The following FRMPD2 variants were observed in gnomAD, a reference collection of about 807,000 sequenced individuals.
FRMPD2 encodes FERM and PDZ domain containing 2, also known as FERM and PDZ domain-containing protein 2.
In FRMPD2, 96 loss-of-function variants were observed where a neutral mutation model predicts 140.1. The observed-to-expected ratio is 0.69, with a 90% CI of 0.58 to 0.81. FRMPD2 has a LOEUF of 0.81. FRMPD2 is among the 40% of genes least tolerant of loss of function. The pLI, the probability that FRMPD2 is intolerant of heterozygous loss-of-function variation, is 0.00. For missense variants in FRMPD2, 1,240 were observed against 1,447.4 expected, an observed-to-expected ratio of 0.86 and a Z score of 2.32; for synonymous variants, 449 against 547.6, an observed-to-expected ratio of 0.82 and a Z score of 2.52.
chr10:48,216,895 G>A (rs904176698), intron 12 of FRMPD2, among the ~76,000 whole-genome samples: 1 of 152,136 alleles, frequency 6.6e-6, no homozygotes, highest in African/African-American at 2.4e-5. Flanking sequence ...ACCACCCGAA[G>A]CTGGCCTAGG....
intron 4 of FRMPD2, among the ~76,000 whole-genome samples, chr10:48,244,459 A>G (rs1028763261): frequency 1.3e-5 from 2 of 152,210 alleles, no homozygotes; most frequent in African/African-American, 4.8e-5. Flanking sequence ...GCCTTTTTAA[A>G]ATATATGTAA....
At chr10:48,258,641 C>T (rs925416245) in intron 1 of FRMPD2, among the ~76,000 whole-genome samples, 7 of 152,100 alleles carry the variant, frequency 4.6e-5, no homozygotes, top group Non-Finnish European at 8.8e-5. Context: ...TGAGAGGATG[C>T]ACACTAGTAC....
intron 1 of FRMPD2, among the ~76,000 whole-genome samples, chr10:48,271,591 T>C (rs1488472230): frequency 6.6e-6 from 1 of 151,842 alleles, no homozygotes; most frequent in South Asian, 2.1e-4. Flanking sequence ...TGGGCTATGA[T>C]AGCTCAAGCA....
intron 13 of FRMPD2, among the ~76,000 whole-genome samples, chr10:48,207,665 A>C (rs1157441014): frequency 1.3e-5 from 2 of 152,164 alleles, no homozygotes; most frequent in Non-Finnish European, 2.9e-5. Context: ...TCCCACCTTC[A>C]TCTTCACCAG....
rs1839079984 is a variant in FRMPD2 at position 48,201,287 on chromosome 10, G to C, written c.1895C>G (p.Ser632Ter). 6.2e-7 allele frequency: 1 copy of C among 1,613,902 alleles called. No homozygotes were observed. The highest frequency in any genetic ancestry group is 1.7e-5 in the Admixed American group (1 of 60,018). The stretch of plus-strand genomic sequence containing the variant: ...CTGTGCATTAAACCCATGCTGGGCT[G>C]AGCAGAGGTCCAGTAAGTATTTACT... ...KTSKYLLDLCSAQHGFNAQMG... is the reference protein window; with the variant it reads ...KTSKYLLDLC The change falls in exon 15 of 29, where the codon TCA (serine) becomes TGA (stop). Residue 632 changes from serine to a stop codon, truncating the protein, a stop_gained. Coordinates refer to ENST00000374201, the MANE Select transcript of FRMPD2 (RefSeq NM_001018071.4). LOFTEE classifies it high-confidence loss of function.
At chr10:48,204,228 A>C (rs1020465531) in intron 14 of FRMPD2, among the ~76,000 whole-genome samples, 4 of 152,214 alleles carry the variant, frequency 2.6e-5, no homozygotes, top group Non-Finnish European at 4.4e-5. Context: ...ATACTCATCT[A>C]ATTGAAATGC....
chr10:48,235,637 C>T lies in FRMPD2; in HGVS notation c.993+845G>A, dbSNP rs539363838. On this transcript the variant is annotated intron_variant, in intron 9 of 28. Coordinates refer to ENST00000374201, the MANE Select transcript of FRMPD2 (RefSeq NM_001018071.4). The stretch of plus-strand genomic sequence containing the variant: ...ACTCAAGCCCTGCCTCCAAGAGGCC[C>T]TGAGCAGAGGCCCAGAAAGCCAAGT... Among the ~76,000 whole-genome samples the T allele has an allele frequency of 2.3e-3, 349 of 152,340 alleles. 2 individuals are homozygous for T. The highest frequency in any genetic ancestry group is 8.2e-3 in the African/African-American group (342 of 41,576).
intron 9 of FRMPD2, among the ~76,000 whole-genome samples, chr10:48,234,890 C>G (rs778359746): frequency 4.6e-5 from 7 of 152,118 alleles, no homozygotes; most frequent in Non-Finnish European, 1.0e-4. Flanking sequence ...CCCTGCAGAG[C>G]GGGGGAAGCT....
intron 8 of FRMPD2, 55 bp from the exon 9 acceptor site, chr10:48,236,608 T>G: frequency 6.5e-7 from 1 of 1,538,050 alleles, no homozygotes; most frequent in African/African-American, 1.4e-5. Flanking sequence ...AGGCTTTGGG[T>G]CTGGGCTTCC....
chr10:48,212,071 G>A lies in FRMPD2; in HGVS notation c.1494C>T (p.Tyr498=), dbSNP rs373664466. The stretch of plus-strand genomic sequence containing the variant: ...TCCTCTCGATCAGACTCGCTGGGAT[G>A]TAATCTTCAACGTGAAAGTATGGCT... ...ESKPYFHVED[Y]IPASLIERMT... Residue 498 remains tyrosine (Y), a synonymous_variant, in exon 13 of 29, where the codon TAC becomes TAT. Coordinates refer to ENST00000374201, the MANE Select transcript of FRMPD2 (RefSeq NM_001018071.4). 340 of 1,613,970 alleles carry A rather than the reference G, an allele frequency of 2.1e-4. 1 individual carries two copies. Among genetic ancestry groups the A allele is most frequent in the Non-Finnish European group, 2.6e-4 (302 of 1,179,978 alleles).
chr10:48,164,000 C>A (rs1428387481), intron 27 of FRMPD2, among the ~76,000 whole-genome samples: 1 of 151,184 alleles, frequency 6.6e-6, no homozygotes, highest in African/African-American at 2.5e-5. Flanking sequence ...GAAATGTTTT[C>A]TTTTTAAGTT....
chr10:48,233,693 A>G (rs1219107075), intron 9 of FRMPD2, among the ~76,000 whole-genome samples: 5 of 152,140 alleles, frequency 3.3e-5, no homozygotes, highest in African/African-American at 1.2e-4. Context: ...TTTGACTTTC[A>G]GCAGTCCTGC....
At chr10:48,271,758 C>T (rs550746718) in intron 1 of FRMPD2, among the ~76,000 whole-genome samples, 59 of 152,342 alleles carry the variant, frequency 3.9e-4, no homozygotes, top group African/African-American at 1.0e-3. Context: ...ACACTGATAT[C>T]TCAGGGTGAA....
At chr10:48,251,236 T>G (rs1039649156) in intron 2 of FRMPD2, among the ~76,000 whole-genome samples, 1 of 152,186 alleles carries the variant, frequency 6.6e-6, no homozygotes, top group African/African-American at 2.4e-5. Context: ...TAGACACCCA[T>G]AGCACTGCAG....
chr10:48,221,024 A>G, intron 12 of FRMPD2, among the ~76,000 whole-genome samples: 1 of 152,230 alleles, frequency 6.6e-6, no homozygotes, highest in African/African-American at 2.4e-5. Context: ...TATGGAAAGC[A>G]GTGTGGAGAG....
At chr10:48,266,791 C>T (rs1416107020) in intron 1 of FRMPD2, among the ~76,000 whole-genome samples, 1 of 152,214 alleles carries the variant, frequency 6.6e-6, no homozygotes, top group Non-Finnish European at 1.5e-5. Flanking sequence ...AACAAGATGC[C>T]CCTTGGCCTC....
At chr10:48,244,967 A>C in intron 3 of FRMPD2, 118 bp from the exon 4 acceptor site, 1 of 755,924 alleles carries the variant, frequency 1.3e-6, no homozygotes, top group South Asian at 1.6e-5. Flanking sequence ...CGAGTCTAGC[A>C]CCATCTGCAA....
chr10:48,221,056 A>G (rs1052437251), intron 12 of FRMPD2, among the ~76,000 whole-genome samples: 1 of 152,204 alleles, frequency 6.6e-6, no homozygotes, highest in Admixed American at 6.5e-5. Flanking sequence ...CTAAAAGTAG[A>G]ACTACCATTT....
In FRMPD2 at chr10:48,184,869, T is replaced by C. The variant is rs529008159; in HGVS notation, c.2372A>G (p.Asn791Ser). 1.3e-5 allele frequency: 21 copies of C among 1,610,644 alleles called. No homozygotes were observed. Among genetic ancestry groups the C allele is most frequent in the Middle Eastern group, 1.7e-4 (1 of 6,060 alleles). The change falls in exon 19 of 29, where the codon AAT (asparagine) becomes AGT (serine). Residue 791 changes from asparagine (N) to serine (S), a missense_variant. Physicochemically the swap from Asn to Ser is conservative, Grantham distance 46 (BLOSUM62 1). This residue lies in a region of FRMPD2 where 1,161 missense variants were observed against 1,055.9 expected (regional missense o/e 1.10). Transcript: ENST00000374201. The part of the protein sequence containing the change: ...DPHRGFGFVI[N>S]EGEYSGQADP... ...AGCTTGGCCTGAATACTCTCCCTCA[T>C]TAATGACAAACCCTGTAATCCAAGA...
Sources: gnomAD v4.1 joint callset for allele counts (sites outside exome capture counted in the v4.1 genomes callset) on GRCh38, gnomAD v4.1.1 for gene constraint, gnomAD v4.1.1 regional missense constraint, MANE v1.5 for transcripts, NCBI Gene and HGNC (gene_info 2026-07-23, HGNC 2026-07-21) for gene names.